Variants in GABBR2 observed in about 807,000 individuals in gnomAD.
GABBR2 encodes G-protein coupled receptor 51.
A neutral mutation model predicts 105.6 loss-of-function variants in GABBR2; 23 were observed. The ratio of observed to expected loss-of-function variants is 0.22; its 90% CI spans 0.16 to 0.31. GABBR2 has a LOEUF of 0.31. GABBR2 is among the 10% of genes least tolerant of loss of function. The pLI is 1.00. For synonymous variants in GABBR2, 478 were observed against 499.7 expected (o/e 0.96, Z 0.58); for missense variants, 734 against 1,245.5 (o/e 0.59, Z 6.18).
Position 98,296,360 on chromosome 9 carries a change from TG to T in GABBR2, c.2543-2459del, listed in dbSNP as rs745645108. On this transcript the variant is annotated intron_variant, in intron 17 of 18. Coordinates refer to ENST00000259455, the MANE Select transcript of GABBR2 (RefSeq NM_005458.8). ...TTTAGGACTCCCCAGCCTCCAGAAC[TG>T]TAAGAAATACATTTCTGTTGTTTAT... Among the ~76,000 whole-genome samples, 6 of 152,318 alleles carry T rather than the reference TG, an allele frequency of 3.9e-5. No homozygotes were observed. The East Asian group carries it at 7.7e-4, about 20-fold the overall frequency.
chr9:98,705,998 C>A (rs998209299), intron 1 of GABBR2, among the ~76,000 whole-genome samples: 3 of 151,928 alleles, frequency 2.0e-5, no homozygotes, highest in Non-Finnish European at 2.9e-5. Context: ...ATCACTTGAC[C>A]CTGGGAGGTG....
intron 4 of GABBR2, among the ~76,000 whole-genome samples, chr9:98,489,079 C>T (rs1827120813): frequency 6.6e-6 from 1 of 152,182 alleles, no homozygotes; most frequent in Non-Finnish European, 1.5e-5. Flanking sequence ...GCCGCTGTAG[C>T]ACAAAAGCAG....
At chr9:98,291,508 C>T (rs575324638) in intron 18 of GABBR2, among the ~76,000 whole-genome samples, 3 of 152,314 alleles carry the variant, frequency 2.0e-5, no homozygotes, top group African/African-American at 7.2e-5. Context: ...AGGACCGCAT[C>T]TCTTCTTGCT....
intron 11 of GABBR2, among the ~76,000 whole-genome samples, chr9:98,384,100 C>G (rs147329940): frequency 6.6e-6 from 1 of 152,176 alleles, no homozygotes; most frequent in East Asian, 1.9e-4. Context: ...CACTCAGCAC[C>G]GATCTTTTGA....
At chr9:98,639,023 C>T (rs1389600106) in intron 1 of GABBR2, among the ~76,000 whole-genome samples, 1 of 152,168 alleles carries the variant, frequency 6.6e-6, no homozygotes, top group East Asian at 1.9e-4. Flanking sequence ...TCTCTTCCTC[C>T]CCAGTTCATC....
At chr9:98,436,977 C>T (rs998192481) in intron 7 of GABBR2, among the ~76,000 whole-genome samples, 1 of 152,074 alleles carries the variant, frequency 6.6e-6, no homozygotes, top group Non-Finnish European at 1.5e-5. Context: ...TAAGAAGGAA[C>T]TTTCTCAAAG....
intron 1 of GABBR2, among the ~76,000 whole-genome samples, chr9:98,692,124 C>T (rs1041175631): frequency 6.6e-6 from 1 of 152,186 alleles, no homozygotes; most frequent in Non-Finnish European, 1.5e-5. Flanking sequence ...CCAAAACTAA[C>T]ACAGCTAGTA....
At position 98,389,000 on chromosome 9, in the gene GABBR2, G is replaced by A. The variant is rs55677951; in HGVS notation, c.1383C>T (p.Ser461=). 8.8e-5 allele frequency: 142 copies of A among 1,611,756 alleles called. No homozygotes were observed. The African/African-American group carries it at 1.6e-3, about 18-fold the overall frequency. The change falls in exon 10 of 19, where the codon TCC becomes TCT. Residue 461 remains serine (S), a synonymous_variant. Transcript: ENST00000259455. The surrounding 1 kb of genome is among the most constrained non-coding windows in gnomAD (Gnocchi z 4.4). ...IINDTIRFQG[S]EPPKDKTIIL... ...TGATGGTCTTGTCTTTTGGTGGTTCGGATCCTAGAGGATCAAGAGAAGACA... is the reference window on the plus strand; with the variant it reads ...TGATGGTCTTGTCTTTTGGTGGTTCAGATCCTAGAGGATCAAGAGAAGACA...
intron 2 of GABBR2, among the ~76,000 whole-genome samples, chr9:98,572,531 C>T (rs550676930): frequency 2.6e-5 from 4 of 152,284 alleles, no homozygotes; most frequent in African/African-American, 9.6e-5. Flanking sequence ...AGAGATTTAT[C>T]AAATCCCTTG....
intron 1 of GABBR2, among the ~76,000 whole-genome samples, chr9:98,609,478 A>T (rs1360214676): frequency 1.3e-5 from 2 of 152,210 alleles, no homozygotes; most frequent in Non-Finnish European, 2.9e-5. Context: ...GAGGAGTGGG[A>T]ATGGTCTCCT....
intron 3 of GABBR2, among the ~76,000 whole-genome samples, chr9:98,501,131 C>G (rs1460381960): frequency 5.5e-5 from 8 of 144,852 alleles, no homozygotes; most frequent in Non-Finnish European, 1.2e-4. Context: ...CACTGCCCCC[C>G]CCCCTTCCCC....
chr9:98,565,368 G>A (rs999382112), intron 2 of GABBR2, among the ~76,000 whole-genome samples: 1 of 152,206 alleles, frequency 6.6e-6, no homozygotes, highest in Non-Finnish European at 1.5e-5. Context: ...GGCCTTATGA[G>A]CCCAGGGAAA....
intron 1 of GABBR2, among the ~76,000 whole-genome samples, chr9:98,701,725 G>A (rs768134571): frequency 3.9e-5 from 6 of 152,086 alleles, no homozygotes; most frequent in Admixed American, 1.3e-4. Flanking sequence ...AAGACACGCC[G>A]GGAGACACAC....
intron 1 of GABBR2, chr9:98,607,787 T>C (rs1298424002): frequency 2.5e-6 from 2 of 798,024 alleles, no homozygotes; most frequent in Non-Finnish European, 2.2e-6. Flanking sequence ...TATAATGGAA[T>C]TGATAACAAC....
At chr9:98,328,559 T>C (rs1483298282) in intron 13 of GABBR2, among the ~76,000 whole-genome samples, 1 of 152,124 alleles carries the variant, frequency 6.6e-6, no homozygotes, top group Non-Finnish European at 1.5e-5. Context: ...ATGTAATTAA[T>C]AAAGTAATTA....
At chr9:98,470,286 T>C (rs1249307895) in intron 6 of GABBR2, among the ~76,000 whole-genome samples, 1 of 152,156 alleles carries the variant, frequency 6.6e-6, no homozygotes, top group Non-Finnish European at 1.5e-5. Flanking sequence ...GACTGGGCAA[T>C]GTACAAAAGA....
At chr9:98,600,853 C>T (rs558460711) in intron 1 of GABBR2, among the ~76,000 whole-genome samples, 2 of 152,338 alleles carry the variant, frequency 1.3e-5, no homozygotes, top group Non-Finnish European at 2.9e-5. Context: ...GCAGGTGACT[C>T]TGCTTCCAGG....
chr9:98,514,800 A>C (rs2131702746), intron 3 of GABBR2, among the ~76,000 whole-genome samples: 1 of 152,262 alleles, frequency 6.6e-6, no homozygotes, highest in South Asian at 2.1e-4. Context: ...AAAGTATAAT[A>C]ATAATAATTA....
intron 1 of GABBR2, among the ~76,000 whole-genome samples, chr9:98,586,582 G>C (rs1470499988): frequency 2.0e-5 from 3 of 152,152 alleles, no homozygotes; most frequent in African/African-American, 7.2e-5. Context: ...TTATAGAAGT[G>C]AGCCACCGTG....
Sources: gnomAD v4.1 joint callset for allele counts (sites outside exome capture counted in the v4.1 genomes callset) on GRCh38, gnomAD v4.1.1 for gene constraint, Gnocchi (gnomAD v3.1) non-coding constraint, MANE v1.5 for transcripts, NCBI Gene and HGNC (gene_info 2026-07-23, HGNC 2026-07-21) for gene names.